The following ASIC2 variants were observed in gnomAD, a reference collection of about 807,000 sequenced individuals.
ASIC2 encodes the protein acid sensing ion channel subunit 2.
A neutral mutation model predicts 57.3 loss-of-function variants in ASIC2; 25 were observed. The observed-to-expected ratio is 0.44, with a 90% CI of 0.32 to 0.61. The LOEUF is 0.61. Ranked by LOEUF, ASIC2 falls within the 20% of genes least tolerant of loss-of-function variation. The probability of loss-of-function intolerance (pLI) is 0.06; values close to 1 mark genes in which losing one functional copy is unlikely to be tolerated. For synonymous variants in ASIC2, 319 were observed against 307.5 expected (o/e 1.04, Z -0.39); for missense variants, 641 against 738.1 (o/e 0.87, Z 1.52).
intron 1 of ASIC2, among the ~76,000 whole-genome samples, chr17:33,938,573 A>T (rs1404404765): frequency 6.6e-6 from 1 of 152,252 alleles, no homozygotes; most frequent in Admixed American, 6.5e-5. Flanking sequence ...AACTTCCTCC[A>T]GATGAGCTCT....
intron 1 of ASIC2, chr17:34,039,538 A>C: frequency 6.2e-7 from 1 of 1,613,954 alleles, no homozygotes; most frequent in Non-Finnish European, 8.5e-7. Flanking sequence ...GGAATGTTGC[A>C]GTGAGGATCG....
At chr17:33,492,575 G>T (rs967999421) in intron 1 of ASIC2, among the ~76,000 whole-genome samples, 4 of 152,192 alleles carry the variant, frequency 2.6e-5, no homozygotes, top group Admixed American at 2.6e-4. Flanking sequence ...ACACCACCTT[G>T]TTGAGTGAAC....
At position 33,865,782 on chromosome 17, in the gene ASIC2, A is replaced by C. The variant is rs372040397; in HGVS notation, c.555+290196T>G. Among the ~76,000 whole-genome samples the C allele has an allele frequency of 8.9e-4, 82 of 91,704 alleles. 1 individual carries two copies. Among genetic ancestry groups the C allele is most frequent in the East Asian group, 4.2e-3 (21 of 5,036 alleles). 60.2% of individuals were successfully genotyped at this position (91,704 alleles called of 152,430 possible). A position where few individuals can be genotyped will look rare whatever the true frequency, so the allele number is the denominator to read the frequency against. On this transcript the variant is annotated intron_variant, in intron 1 of 9. Transcript: ENST00000359872. ...AATAAAAAAAAAAAACAAAAAAAAAAACGTTTTTTTATTGAACTATGTCAA... is the reference window on the plus strand; with the variant it reads ...AATAAAAAAAAAAAACAAAAAAAAACACGTTTTTTTATTGAACTATGTCAA...
chr17:33,988,437 T>A (rs977011148), intron 1 of ASIC2, among the ~76,000 whole-genome samples: 2 of 152,214 alleles, frequency 1.3e-5, no homozygotes, highest in African/African-American at 4.8e-5. Context: ...CCATGTAAGA[T>A]GTGACTTGCT....
chr17:33,476,544 G>GGTGTGT (rs59467363), intron 1 of ASIC2, among the ~76,000 whole-genome samples: 4 of 104,638 alleles, frequency 3.8e-5, no homozygotes, highest in Admixed American at 9.7e-5. Flanking sequence ...TATGTACAGG[G>GGTGTGT]GTGTGTGTGT....
intron 1 of ASIC2, among the ~76,000 whole-genome samples, chr17:33,536,442 G>A (rs1915232178): frequency 6.6e-6 from 1 of 152,198 alleles, no homozygotes; most frequent in South Asian, 2.1e-4. Context: ...CATGGTGGAG[G>A]TATTTGCACT....
At chr17:33,536,381 G>C (rs1415089696) in intron 1 of ASIC2, among the ~76,000 whole-genome samples, 2 of 152,204 alleles carry the variant, frequency 1.3e-5, no homozygotes, top group African/African-American at 4.8e-5. Flanking sequence ...CTGTCAAATT[G>C]TTAGAAATAT....
At chr17:33,246,555 T>C (rs891737499) in intron 1 of ASIC2, among the ~76,000 whole-genome samples, 1 of 152,200 alleles carries the variant, frequency 6.6e-6, no homozygotes, top group African/African-American at 2.4e-5. Flanking sequence ...AAATAGGCGC[T>C]GTGCCAGAGA....
intron 1 of ASIC2, among the ~76,000 whole-genome samples, chr17:33,989,671 C>A (rs191178945): frequency 1.3e-5 from 2 of 152,110 alleles, no homozygotes; most frequent in Non-Finnish European, 2.9e-5. Context: ...AATTAAAATC[C>A]CTAGCCCATT....
At chr17:34,062,098 C>A (rs937718866) in intron 1 of ASIC2, among the ~76,000 whole-genome samples, 13 of 152,152 alleles carry the variant, frequency 8.5e-5, no homozygotes, top group Non-Finnish European at 1.2e-4. Flanking sequence ...ATGGAACTTT[C>A]TCCAAGATAG....
chr17:33,719,966 A>G (rs189031973), intron 1 of ASIC2, among the ~76,000 whole-genome samples: 1 of 152,302 alleles, frequency 6.6e-6, no homozygotes, highest in East Asian at 1.9e-4. Flanking sequence ...CTGAAGCTTC[A>G]AAACTTCTGG....
At chr17:33,987,195 A>T (rs1470086285) in intron 1 of ASIC2, among the ~76,000 whole-genome samples, 9 of 152,154 alleles carry the variant, frequency 5.9e-5, no homozygotes, top group Non-Finnish European at 1.0e-4. Flanking sequence ...AGGGGAAAAA[A>T]GTCAGGCAAG....
At chr17:34,065,293 G>T (rs1989942) in intron 1 of ASIC2, among the ~76,000 whole-genome samples, 20 of 152,152 alleles carry the variant, frequency 1.3e-4, no homozygotes, top group Non-Finnish European at 4.4e-5. Flanking sequence ...ACCACACATC[G>T]TATGTTCTCA....
chr17:33,330,092 T>C (rs879586711), intron 1 of ASIC2, among the ~76,000 whole-genome samples: 1 of 152,222 alleles, frequency 6.6e-6, no homozygotes, highest in Non-Finnish European at 1.5e-5. Flanking sequence ...TATGCATTTA[T>C]TTTTAATATA....
intron 1 of ASIC2, among the ~76,000 whole-genome samples, chr17:33,636,877 A>C (rs72827244): frequency 0.23 from 34,558 of 150,022 alleles, 4,196 homozygotes; most frequent in East Asian, 0.41. Flanking sequence ...ATGCACACAC[A>C]CCCACACACA....
At chr17:33,329,094 G>A (rs1426651737) in intron 1 of ASIC2, among the ~76,000 whole-genome samples, 2 of 152,176 alleles carry the variant, frequency 1.3e-5, no homozygotes, top group African/African-American at 4.8e-5. Context: ...ATAATGGCAG[G>A]AATGGCTAGG....
rs534374689 is a variant in ASIC2, at chr17:33,814,962, G to A, written c.555+341016C>T. ...GTTGAAATGGGAAAAAAGTGCATAT[G>A]TGTCTGTGAGTCTCTGAGGTGAGCC... On this transcript the variant is annotated intron_variant, in intron 1 of 9. Coordinates refer to the ASIC2 transcript ENST00000359872. Among the ~76,000 whole-genome samples the A allele has an allele frequency of 8.5e-5, 13 of 152,326 alleles. No individual in the cohort carries two copies. In the East Asian group the frequency reaches 2.5e-3, roughly 29 times the overall value.
intron 1 of ASIC2, among the ~76,000 whole-genome samples, chr17:33,464,562 C>CT (rs1567621242): frequency 3.1e-5 from 3 of 95,750 alleles, no homozygotes; most frequent in Non-Finnish European, 6.4e-5. Context: ...TTCTTTCTTT[C>CT]TTTTCTCTCT....
At chr17:34,143,749 T>C (rs1912337674) in intron 1 of ASIC2, among the ~76,000 whole-genome samples, 1 of 152,204 alleles carries the variant, frequency 6.6e-6, no homozygotes, top group Admixed American at 6.5e-5. Context: ...GCTTAGGATC[T>C]TATAGTCATG....
Sources: gnomAD v4.1 joint callset for allele counts (sites outside exome capture counted in the v4.1 genomes callset) on GRCh38, gnomAD v4.1.1 for gene constraint, MANE v1.5 for transcripts, NCBI Gene and HGNC (gene_info 2026-07-23, HGNC 2026-07-21) for gene names.